CHN2: variants seen among roughly 807,000 people sequenced by gnomAD.
CHN2 encodes the protein chimerin 2, also known as beta-chimaerin.
In CHN2, 35 loss-of-function variants were observed where a neutral mutation model predicts 56.3. The ratio of observed to expected loss-of-function variants is 0.62; its 90% CI spans 0.47 to 0.82. CHN2 has a LOEUF of 0.82. Ranked by LOEUF, CHN2 falls within the 40% of genes least tolerant of loss-of-function variation. CHN2 has a pLI of 0.00. For missense variants in CHN2, 491 were observed against 580.5 expected, an observed-to-expected ratio of 0.85 and a Z score of 1.58; for synonymous variants, 210 against 212.8, an observed-to-expected ratio of 0.99 and a Z score of 0.12.
intron 7 of CHN2, among the ~76,000 whole-genome samples, chr7:29,486,087 C>T (rs1410226464): frequency 1.3e-5 from 2 of 152,114 alleles, no homozygotes; most frequent in Non-Finnish European, 2.9e-5. Flanking sequence ...CAGCTGACAT[C>T]GTACATATTT....
chr7:29,149,645 C>T (rs896419294), intron 2 of CHN2, among the ~76,000 whole-genome samples: 1 of 152,148 alleles, frequency 6.6e-6, no homozygotes, highest in African/African-American at 2.4e-5. Context: ...GTTCTGGAGG[C>T]TACAAGTCTG....
chr7:29,333,784 G>A (rs1796393058), intron 1 of CHN2, among the ~76,000 whole-genome samples: 1 of 152,096 alleles, frequency 6.6e-6, no homozygotes, highest in Non-Finnish European at 1.5e-5. Context: ...ATAAACCAGT[G>A]GCTGCCGGAA....
chr7:29,283,744 G>T (rs1459154191), intron 1 of CHN2, among the ~76,000 whole-genome samples: 2 of 150,940 alleles, frequency 1.3e-5, no homozygotes, highest in Non-Finnish European at 3.0e-5. Flanking sequence ...TCAGCCTCCC[G>T]AGTAGCTGAG....
chr7:29,260,080 C>T (rs547489988), intron 1 of CHN2, among the ~76,000 whole-genome samples: 4 of 152,128 alleles, frequency 2.6e-5, no homozygotes, highest in South Asian at 4.2e-4. Flanking sequence ...CAGGGTCAAG[C>T]GATTCTCCTG....
At chr7:29,236,450 C>T (rs1787200027) in intron 1 of CHN2, among the ~76,000 whole-genome samples, 1 of 152,164 alleles carries the variant, frequency 6.6e-6, no homozygotes, top group Admixed American at 6.5e-5. Context: ...TGGAACTTGC[C>T]GTGGCCATTT....
intron 1 of CHN2, among the ~76,000 whole-genome samples, chr7:29,248,602 C>A (rs1173216889): frequency 6.6e-6 from 1 of 152,234 alleles, no homozygotes; most frequent in Non-Finnish European, 1.5e-5. Context: ...CCGCAGAGCT[C>A]TGGTGGTTCC....
chr7:29,427,857 G>A (rs1242987715), intron 6 of CHN2, among the ~76,000 whole-genome samples: 3 of 151,764 alleles, frequency 2.0e-5, no homozygotes, highest in Non-Finnish European at 4.4e-5. Flanking sequence ...GGGTTTCACC[G>A]TGTTGGCCAG....
chr7:29,455,905 C>T (rs114546299), intron 6 of CHN2, among the ~76,000 whole-genome samples: 214 of 152,304 alleles, frequency 1.4e-3, no homozygotes, highest in African/African-American at 4.9e-3. Context: ...ACAACAGCAG[C>T]CATGTGCTCA....
At chr7:29,347,033 C>T (rs1056468295) in intron 1 of CHN2, among the ~76,000 whole-genome samples, 4 of 152,110 alleles carry the variant, frequency 2.6e-5, no homozygotes, top group African/African-American at 9.7e-5. Flanking sequence ...CTTCCAGGAG[C>T]GTTCTGTGTC....
intron 1 of CHN2, among the ~76,000 whole-genome samples, chr7:29,294,252 A>T (rs942259023): frequency 6.6e-6 from 1 of 152,026 alleles, no homozygotes; most frequent in African/African-American, 2.4e-5. Flanking sequence ...TGCATAATAA[A>T]TATTAGTTGA....
chr7:29,166,867 T>G (rs950545948), intron 2 of CHN2, among the ~76,000 whole-genome samples: 3 of 152,152 alleles, frequency 2.0e-5, no homozygotes, highest in Non-Finnish European at 2.9e-5. Context: ...CTTGAACATT[T>G]GAAACATATT....
At position 29,194,872 on chromosome 7, in the gene CHN2, C is replaced by A; in HGVS notation, c.-70C>A. The stretch of plus-strand genomic sequence containing the variant: ...TGGGGGCCGCGGAGGCTGCGAGCGG[C>A]CGGGCGAGGGCAGCGGCGGCGGCGT... On this transcript the variant is annotated 5_prime_UTR_variant, in exon 1 of 13. Coordinates refer to ENST00000222792, the MANE Select transcript of CHN2 (RefSeq NM_004067.4). 7.5e-7 allele frequency: 1 copy of A among 1,334,074 alleles called. No homozygotes were observed. The highest frequency in any genetic ancestry group is 9.6e-7 in the Non-Finnish European group (1 of 1,040,868). The allele number at this position is 1,334,074 out of a possible 1,614,324, so 82.6% of individuals were successfully genotyped here. A position where few individuals can be genotyped will look rare whatever the true frequency, so the allele number is the denominator to read the frequency against.
intron 1 of CHN2, among the ~76,000 whole-genome samples, chr7:29,349,471 C>T (rs546768501): frequency 2.6e-5 from 4 of 152,216 alleles, no homozygotes; most frequent in South Asian, 2.1e-4. Flanking sequence ...AATCTAGTTC[C>T]GGAGGCTATG....
At chr7:29,158,788 T>C (rs1794779002) in intron 2 of CHN2, among the ~76,000 whole-genome samples, 1 of 152,234 alleles carries the variant, frequency 6.6e-6, no homozygotes, top group African/African-American at 2.4e-5. Context: ...GCAGTATTTG[T>C]GATTTCACCC....
Position 29,315,265 on chromosome 7 carries a change from T to C in CHN2, c.50-39360T>C, listed in dbSNP as rs141575817. ...ATGTGAGAGGAAGAATATGTCAAAA[T>C]TGCCTGGCAAATCCTGCTTATTTTG... is the stretch of plus-strand genomic sequence containing the variant. On this transcript the variant is annotated intron_variant, in intron 1 of 12. Transcript: ENST00000222792. Among the ~76,000 whole-genome samples, 843 of 152,298 alleles carry C rather than the reference T, an allele frequency of 5.5e-3. 3 individuals are homozygous for C. Among genetic ancestry groups the C allele is most frequent in the Non-Finnish European group, 8.1e-3 (552 of 68,012 alleles).
chr7:29,511,146 G>A (rs1791310011), intron 12 of CHN2, among the ~76,000 whole-genome samples: 1 of 152,250 alleles, frequency 6.6e-6, no homozygotes, highest in Admixed American at 6.5e-5. Context: ...GTGAAAAGAA[G>A]CAAACGGAGG....
intron 1 of CHN2, among the ~76,000 whole-genome samples, chr7:29,216,249 G>C (rs1785331775): frequency 6.6e-6 from 1 of 152,194 alleles, no homozygotes; most frequent in African/African-American, 2.4e-5. Flanking sequence ...GTATATCTGG[G>C]AGGAAGGAAA....
chr7:29,218,912 C>A (rs893232072), intron 1 of CHN2, among the ~76,000 whole-genome samples: 2 of 151,312 alleles, frequency 1.3e-5, no homozygotes, highest in African/African-American at 4.9e-5. Flanking sequence ...ATGTAACAAA[C>A]CTGCATGTTG....
chr7:29,346,161 C>G (rs1797420400), intron 1 of CHN2, among the ~76,000 whole-genome samples: 1 of 152,180 alleles, frequency 6.6e-6, no homozygotes, highest in Non-Finnish European at 1.5e-5. Flanking sequence ...GGTAGTCTCG[C>G]AGCTCAGGCC....
Sources: gnomAD v4.1 joint callset for allele counts (sites outside exome capture counted in the v4.1 genomes callset) on GRCh38, gnomAD v4.1.1 for gene constraint, MANE v1.5 for transcripts, NCBI Gene and HGNC (gene_info 2026-07-23, HGNC 2026-07-21) for gene names.